Variants in TMEM245 observed in about 807,000 individuals in gnomAD.
TMEM245 encodes transmembrane protein 245.
In TMEM245, 69 loss-of-function variants were observed where a neutral mutation model predicts 101.2. That is an observed-to-expected ratio of 0.68 (90% confidence interval 0.56 to 0.83). The LOEUF is 0.83. TMEM245 is among the 40% of genes least tolerant of loss of function. The pLI is 0.00. For synonymous variants in TMEM245, 537 were observed against 449.8 expected, an observed-to-expected ratio of 1.19 and a Z score of -2.45; for missense variants, 1,075 against 1,092.8, an observed-to-expected ratio of 0.98 and a Z score of 0.23.
intron 14 of TMEM245, chr9:109,046,181 CTG>C: frequency 1.9e-6 from 1 of 528,146 alleles, no homozygotes; most frequent in Non-Finnish European, 3.9e-6. Context: ...CACTGAAAAG[CTG>C]TAATCCCAGC....
In TMEM245 at chr9:109,025,406, T is replaced by A. The variant is rs567709986; in HGVS notation, c.2595-4901A>T. ...TTTGATTGTACTTTCGGTATTTAAT[T>A]ATGAAAGATATAAACCTCAGGTTAA... On this transcript the variant is annotated intron_variant, in intron 17 of 17. Coordinates refer to ENST00000374586, the MANE Select transcript of TMEM245 (RefSeq NM_032012.4). Among the ~76,000 whole-genome samples the A allele has an allele frequency of 3.3e-5, 5 of 152,222 alleles. No individual in the cohort carries two copies. In the South Asian group the frequency reaches 1.0e-3, roughly 32 times the overall value.
intron 16 of TMEM245, 41 bp downstream of exon 16, chr9:109,036,165 C>T: frequency 6.7e-7 from 1 of 1,495,014 alleles, no homozygotes; most frequent in Non-Finnish European, 8.9e-7. Context: ...AACGGAAATG[C>T]CTGGATGATT....
intron 9 of TMEM245, 197 bp downstream of exon 9, chr9:109,073,159 C>T: frequency 1.8e-6 from 1 of 560,954 alleles, no homozygotes; most frequent in South Asian, 2.2e-5. Flanking sequence ...ATGAATTGTA[C>T]CTAAAATCCT....
intron 17 of TMEM245, among the ~76,000 whole-genome samples, chr9:109,026,062 T>C (rs1305632153): frequency 6.6e-6 from 1 of 152,172 alleles, no homozygotes. Flanking sequence ...ATATACAAAT[T>C]CCTAGAAAAA....
chr9:109,102,065 T>C (rs531533634), intron 3 of TMEM245, among the ~76,000 whole-genome samples: 1 of 152,334 alleles, frequency 6.6e-6, no homozygotes, highest in South Asian at 2.1e-4. Context: ...TCTGAGTCAC[T>C]TGCCATTAGG....
chr9:109,119,094 G>C (rs913302664), intron 1 of TMEM245, among the ~76,000 whole-genome samples: 1 of 152,210 alleles, frequency 6.6e-6, no homozygotes, highest in Non-Finnish European at 1.5e-5. Context: ...CCCCCTAAGA[G>C]GGCCTATTAG....
At chr9:109,075,596 C>T (rs1040014019) in intron 8 of TMEM245, among the ~76,000 whole-genome samples, 2 of 152,300 alleles carry the variant, frequency 1.3e-5, no homozygotes, top group South Asian at 2.1e-4. Flanking sequence ...TCCTTCTCTA[C>T]AAGGAATTTC....
chr9:109,044,316 G>A (rs1828407900), intron 14 of TMEM245, among the ~76,000 whole-genome samples: 1 of 152,192 alleles, frequency 6.6e-6, no homozygotes, highest in Non-Finnish European at 1.5e-5. Flanking sequence ...GGAGTGGGAT[G>A]GGGAGAATAA....
chr9:109,087,269 C>T lies in TMEM245; in HGVS notation c.1224G>A (p.Trp408Ter). The T allele has an allele frequency of 6.2e-7, 1 of 1,613,932 alleles. No individual in the cohort carries two copies. The highest frequency in any genetic ancestry group is 8.5e-7 in the Non-Finnish European group (1 of 1,179,920). The change falls in exon 6 of 18, where the codon TGG becomes TGA. Residue 408 changes from tryptophan (W) to a stop codon, truncating the protein, a stop_gained. Transcript: ENST00000374586. LOFTEE classifies it high-confidence loss of function. Reference protein sequence around the residue: ...DFLEKRYHVWWGIIESFLKER... With the variant: ...DFLEKRYHVW ...CCTTCAGGAAGCTTTCTATAATGCC[C>T]CACCACACATGGTAGCGTTTCTCTA...
At chr9:109,115,045 C>A (rs139576587) in intron 1 of TMEM245, among the ~76,000 whole-genome samples, 2 of 152,104 alleles carry the variant, frequency 1.3e-5, no homozygotes, top group African/African-American at 4.8e-5. Context: ...AAACTAGTGA[C>A]GAAGAAAAAC....
chr9:109,087,087 C>A (rs990335329), intron 6 of TMEM245, 86 bp downstream of exon 6: 59 of 1,191,594 alleles, frequency 5.0e-5, no homozygotes, highest in African/African-American at 6.3e-5. Context: ...TCAACAGTTA[C>A]AATATAAACA....
At chr9:109,043,651 G>A (rs968829937) in intron 14 of TMEM245, among the ~76,000 whole-genome samples, 25 of 152,130 alleles carry the variant, frequency 1.6e-4, no homozygotes, top group Admixed American at 3.3e-4. Context: ...TGGTAGCTCA[G>A]ATGGACGTGA....
rs573187938 is a variant in TMEM245, at chr9:109,102,080, AG to A, written c.799+4427del. Among the ~76,000 whole-genome samples the A allele has an allele frequency of 3.3e-5, 5 of 152,356 alleles. No homozygotes were observed. The South Asian group carries it at 1.0e-3, about 32-fold the overall frequency. On this transcript the variant is annotated intron_variant, in intron 3 of 17. Transcript: ENST00000374586. Reference sequence around the variant, plus strand: ...TCTGAGTCACTTGCCATTAGGTGAAAGAAAACAAAGGAGATAAAACTAACCA... The same window carrying A: ...TCTGAGTCACTTGCCATTAGGTGAAAAAAACAAAGGAGATAAAACTAACCA...
At position 109,057,184 on chromosome 9, in the gene TMEM245, T is replaced by C. The variant is rs1828864151; in HGVS notation, c.1854+7A>G. ...ACTTCAGCTTAACTATAAATGCTATTTCTTACCGAAAGAAATGTCTCAATG... is the reference window on the plus strand; with the variant it reads ...ACTTCAGCTTAACTATAAATGCTATCTCTTACCGAAAGAAATGTCTCAATG... On this transcript the variant is annotated splice_region_variant and intron_variant, in intron 12 of 17. Coordinates refer to ENST00000374586, the MANE Select transcript of TMEM245 (RefSeq NM_032012.4). 4 of 1,611,660 alleles carry C rather than the reference T, an allele frequency of 2.5e-6. No individual in the cohort carries two copies. In the East Asian group the frequency reaches 8.9e-5, roughly 36 times the overall value.
intron 10 of TMEM245, 147 bp from the exon 11 acceptor site, chr9:109,060,599 A>T: frequency 1.7e-6 from 1 of 573,210 alleles, no homozygotes; most frequent in Non-Finnish European, 3.0e-6. Flanking sequence ...TCTTTCCTTA[A>T]ATCTACTCCT....
rs1491412918 is a variant in TMEM245 at position 109,032,827 on chromosome 9, T to TA, written c.2594+479dup. On this transcript the variant is annotated intron_variant, in intron 17 of 17. Transcript: ENST00000374586. ...TAGGTCTTTTTTTTTTTTTTTTTTT[T>TA]ATATGCTGTTGCCCAGGCTAGAGTC... Among the ~76,000 whole-genome samples, 12 of 130,700 alleles carry TA rather than the reference T, an allele frequency of 9.2e-5. No homozygotes were observed. The East Asian group carries it at 1.2e-3, about 13-fold the overall frequency. The allele number at this position is 130,700 out of a possible 152,430, so 85.7% of individuals were successfully genotyped here. A position where few individuals can be genotyped will look rare whatever the true frequency, so the allele number is the denominator to read the frequency against.
intron 1 of TMEM245, among the ~76,000 whole-genome samples, chr9:109,113,132 A>G (rs1475878918): frequency 1.3e-5 from 2 of 152,174 alleles, no homozygotes; most frequent in Non-Finnish European, 2.9e-5. Context: ...TTACCATACA[A>G]ACTTCTGTTC....
At chr9:109,036,083 T>G in intron 16 of TMEM245, 123 bp downstream of exon 16, 1 of 632,128 alleles carries the variant, frequency 1.6e-6, no homozygotes, top group Non-Finnish European at 2.4e-6. Flanking sequence ...AAAGGCTATT[T>G]CACTGAAAAT....
At chr9:109,096,725 C>T (rs987226648) in intron 3 of TMEM245, among the ~76,000 whole-genome samples, 1 of 152,212 alleles carries the variant, frequency 6.6e-6, no homozygotes, top group African/African-American at 2.4e-5. Flanking sequence ...TTCTCTCTTA[C>T]ATAAGATTAC....
Sources: allele counts gnomAD v4.1 joint callset (sites outside exome capture counted in the v4.1 genomes callset), GRCh38; gene constraint gnomAD v4.1.1; transcripts MANE v1.5; gene names NCBI Gene and HGNC (gene_info 2026-07-23, HGNC 2026-07-21).